DSCAML1: variants seen among roughly 807,000 people sequenced by gnomAD.
DSCAML1 encodes cell adhesion molecule DSCAML1.
In DSCAML1, 38 loss-of-function variants were observed where a neutral mutation model predicts 200.5. The observed-to-expected ratio is 0.19, with a 90% CI of 0.15 to 0.25. DSCAML1 has a LOEUF of 0.25. DSCAML1 is among the 10% of genes least tolerant of loss of function. The probability of loss-of-function intolerance (pLI) is 1.00; values close to 1 mark genes in which losing one functional copy is unlikely to be tolerated. For synonymous variants in DSCAML1, 1,215 were observed against 1,165.0 expected (o/e 1.04, Z -0.87); for missense variants, 2,223 against 2,858.8 (o/e 0.78, Z 5.07).
At chr11:117,715,851 C>A (rs1484538382) in intron 3 of DSCAML1, among the ~76,000 whole-genome samples, 2 of 152,156 alleles carry the variant, frequency 1.3e-5, no homozygotes, top group African/African-American at 4.8e-5. Flanking sequence ...GTGGTTTAAC[C>A]ATATATAACC....
intron 3 of DSCAML1, among the ~76,000 whole-genome samples, chr11:117,766,487 A>G (rs1006485300): frequency 6.6e-6 from 1 of 152,226 alleles, no homozygotes; most frequent in Non-Finnish European, 1.5e-5. Context: ...ACTACAGCAC[A>G]GTTAGGTAGG....
rs1356604831 is a variant in DSCAML1 at position 117,439,386 on chromosome 11, T to G, written c.4024A>C (p.Ile1342Leu). 2.5e-6 allele frequency: 4 copies of G among 1,613,646 alleles called. No homozygotes were observed. The highest frequency in any genetic ancestry group is 3.4e-6 in the Non-Finnish European group (4 of 1,179,980). The part of the protein sequence containing the change: ...IPVSMDGHRL[I>L]HTNGTLLLRA... ...AGCAGCAGTGTGCCATTGGTGTGGATGAGCCGGTGCCCATCCATGGACACT... is the reference window on the plus strand; with the variant it reads ...AGCAGCAGTGTGCCATTGGTGTGGAGGAGCCGGTGCCCATCCATGGACACT... Residue 1342 changes from isoleucine to leucine, a missense_variant, in exon 23 of 33, where the codon ATC becomes CTC. By Grantham distance (5) the Ile-to-Leu change is conservative. This residue lies in a region of DSCAML1 where 614 missense variants were observed against 739.1 expected (regional missense o/e 0.83). Transcript: ENST00000651296.
At chr11:117,635,066 C>T (rs1295079473) in intron 3 of DSCAML1, among the ~76,000 whole-genome samples, 6 of 152,350 alleles carry the variant, frequency 3.9e-5, no homozygotes, top group East Asian at 1.9e-4. Context: ...GTCAGCAAAT[C>T]GCCCTTTCGG....
rs762679975 is a variant in DSCAML1, at chr11:117,435,701, C to T, written c.4819G>A (p.Ala1607Thr). 7 of 1,612,742 alleles carry T rather than the reference C, an allele frequency of 4.3e-6. No individual in the cohort carries two copies. Among genetic ancestry groups the T allele is most frequent in the Non-Finnish European group, 5.9e-6 (7 of 1,178,926 alleles). Residue 1607 changes from alanine to threonine, a missense_variant, in exon 27 of 33, where the codon GCA becomes ACA. Ala to Thr is a moderately conservative substitution (Grantham distance 58). This residue lies in a region of DSCAML1 where 614 missense variants were observed against 739.1 expected (regional missense o/e 0.83). Transcript: ENST00000651296. The stretch of plus-strand genomic sequence containing the variant: ...TTCTTGCGTACGATGAAGAGCAGTG[C>T]CACCCCCAGTGTGGCCAGGATGACA... ...CPVILATLGV[A>T]LLFIVRKKRK...
chr11:117,797,003 T>TCCGCCGCCC, intron 1 of DSCAML1, 31 bp downstream of exon 1: 2 of 1,384,840 alleles, frequency 1.4e-6, no homozygotes, highest in Non-Finnish European at 1.9e-6. Flanking sequence ...CCCCGCCGCC[T>TCCGCCGCCC]CCGCCGCCCA....
intron 19 of DSCAML1, among the ~76,000 whole-genome samples, chr11:117,456,552 T>A (rs2137132700): frequency 6.6e-6 from 1 of 152,274 alleles, no homozygotes; most frequent in South Asian, 2.1e-4. Flanking sequence ...ACAGGGCTCT[T>A]GGGCAGGTTA....
At chr11:117,585,645 G>C (rs495420) in intron 3 of DSCAML1, among the ~76,000 whole-genome samples, 30,354 of 152,104 alleles carry the variant, frequency 0.2, 3,488 homozygotes, top group South Asian at 0.44. Flanking sequence ...CCATCAGGAC[G>C]ATGGGGGTGT....
intron 3 of DSCAML1, among the ~76,000 whole-genome samples, chr11:117,602,065 T>C (rs1193042799): frequency 1.3e-5 from 2 of 152,276 alleles, no homozygotes; most frequent in Non-Finnish European, 2.9e-5. Context: ...TGGCATTGCA[T>C]GTCTCCCGAC....
intron 3 of DSCAML1, among the ~76,000 whole-genome samples, chr11:117,627,356 T>C (rs1216956477): frequency 6.6e-6 from 1 of 152,196 alleles, no homozygotes; most frequent in East Asian, 1.9e-4. Context: ...AGGTGGGTTT[T>C]CATTCGCCCT....
chr11:117,692,899 G>A (rs1393645399), intron 3 of DSCAML1, among the ~76,000 whole-genome samples: 5 of 152,164 alleles, frequency 3.3e-5, no homozygotes, highest in African/African-American at 1.2e-4. Context: ...CTTCCCCTAT[G>A]CACAGGAAGA....
chr11:117,618,531 C>T (rs549210326), intron 3 of DSCAML1, among the ~76,000 whole-genome samples: 16 of 152,252 alleles, frequency 1.1e-4, no homozygotes, highest in Admixed American at 9.1e-4. Flanking sequence ...CTTCCTATAA[C>T]CTTTTCTACC....
intron 3 of DSCAML1, among the ~76,000 whole-genome samples, chr11:117,735,869 G>A (rs1009970429): frequency 6.6e-6 from 1 of 152,162 alleles, no homozygotes; most frequent in African/African-American, 2.4e-5. Context: ...TTGCATCAGG[G>A]CTGAGGGAGG....
At chr11:117,538,064 A>G (rs1438354994) in intron 3 of DSCAML1, among the ~76,000 whole-genome samples, 4 of 152,200 alleles carry the variant, frequency 2.6e-5, no homozygotes, top group Non-Finnish European at 5.9e-5. Context: ...GTTTTCAACC[A>G]TGTTTGTAGA....
chr11:117,726,266 C>CATGT (rs1555202761), intron 3 of DSCAML1, among the ~76,000 whole-genome samples: 1 of 145,718 alleles, frequency 6.9e-6, no homozygotes, highest in Admixed American at 6.8e-5. Flanking sequence ...TGTGTGTGTG[C>CATGT]GTGTGTGTGT....
At chr11:117,789,631 G>A (rs1460064609) in intron 1 of DSCAML1, among the ~76,000 whole-genome samples, 1 of 152,154 alleles carries the variant, frequency 6.6e-6, no homozygotes, top group Non-Finnish European at 1.5e-5. Context: ...TCATTCGAGG[G>A]TGTATCAGAG....
rs1032925427 is a variant in DSCAML1, at chr11:117,530,573, A to C, written c.658+1803T>G. ...TTAATGCCATAAATATTTACTCGGC[A>C]CCTCGTGTGTGTTAGGCACAGGGCC... On this transcript the variant is annotated intron_variant, in intron 4 of 32. Transcript: ENST00000651296. Among the ~76,000 whole-genome samples the C allele has an allele frequency of 2.0e-5, 3 of 152,160 alleles. 1 individual carries two copies. The highest frequency in any genetic ancestry group is 2.0e-4 in the Admixed American group (3 of 15,280).
At position 117,642,792 on chromosome 11, in the gene DSCAML1, C is replaced by T. The variant is rs1341137694; in HGVS notation, c.512-110270G>A. Among the ~76,000 whole-genome samples, 1 of 152,168 alleles carries T rather than the reference C, an allele frequency of 6.6e-6. No homozygotes were observed. The highest frequency in any genetic ancestry group is 1.5e-5 in the Non-Finnish European group (1 of 68,038). ...CATCTCACTCTTGGATTCCTTCATC[C>T]CCTTTCCACCTCCAACCCTTTGTCC... On this transcript the variant is annotated intron_variant, in intron 3 of 32. Transcript: ENST00000651296. This position sits in a 1 kb window ranked among gnomAD's most constrained non-coding sequence, Gnocchi z 4.1.
intron 3 of DSCAML1, among the ~76,000 whole-genome samples, chr11:117,655,363 C>G (rs1302210038): frequency 6.6e-6 from 1 of 152,252 alleles, no homozygotes; most frequent in East Asian, 1.9e-4. Context: ...CTTCCACCTT[C>G]CTTTGCATCA....
chr11:117,638,130 G>C (rs921930027), intron 3 of DSCAML1, among the ~76,000 whole-genome samples: 9 of 152,140 alleles, frequency 5.9e-5, no homozygotes, highest in African/African-American at 2.2e-4. Context: ...GTGGCTCCAG[G>C]GGGAGACCTC....
Sources: allele counts gnomAD v4.1 joint callset (sites outside exome capture counted in the v4.1 genomes callset), GRCh38; gene constraint gnomAD v4.1.1; regional missense constraint gnomAD v4.1.1; non-coding constraint Gnocchi (gnomAD v3.1); transcripts MANE v1.5; gene names NCBI Gene and HGNC (gene_info 2026-07-23, HGNC 2026-07-21).